The following GRIA1 variants were observed in gnomAD, a reference collection of about 807,000 sequenced individuals.
GRIA1 encodes glutamate ionotropic receptor AMPA type subunit 1, also known as glutamate receptor 1.
Under a neutral mutation model 99.2 loss-of-function variants are expected in GRIA1, and 31 were observed. That is an observed-to-expected ratio of 0.31 (90% CI 0.23 to 0.42). The LOEUF is 0.42. Among genes scored for constraint, GRIA1 ranks in the 10% least tolerant of loss-of-function variants. GRIA1 has a pLI of 1.00. For missense variants in GRIA1, 782 were observed against 1,157.5 expected, an observed-to-expected ratio of 0.68 and a Z score of 4.71; for synonymous variants, 438 against 432.4, an observed-to-expected ratio of 1.01 and a Z score of -0.16.
chr5:153,549,378 C>T (rs10515690), intron 2 of GRIA1, among the ~76,000 whole-genome samples: 70,910 of 151,848 alleles, frequency 0.47, 18,281 homozygotes, highest in Non-Finnish European at 0.59. Context: ...CAGGGTCTTC[C>T]GAGGTTAACA....
At chr5:153,573,475 C>T (rs77179150) in intron 2 of GRIA1, among the ~76,000 whole-genome samples, 1 of 152,226 alleles carries the variant, frequency 6.6e-6, no homozygotes, top group East Asian at 1.9e-4. Flanking sequence ...ATGTTGGCTG[C>T]AATCATTATT....
chr5:153,550,589 A>G (rs1760049813), intron 2 of GRIA1, among the ~76,000 whole-genome samples: 1 of 152,182 alleles, frequency 6.6e-6, no homozygotes, highest in African/African-American at 2.4e-5. Context: ...CAAATCAACT[A>G]CTGCTAGAAA....
At chr5:153,706,125 T>TTTG (rs762833364) in intron 11 of GRIA1, 58 bp downstream of exon 11, 1 of 1,497,450 alleles carries the variant, frequency 6.7e-7, no homozygotes, top group South Asian at 1.2e-5. Flanking sequence ...TGTTTGTTTG[T>TTTG]TTGTTTGTTT....
intron 2 of GRIA1, among the ~76,000 whole-genome samples, chr5:153,552,263 G>C (rs981975058): frequency 4.7e-5 from 7 of 149,800 alleles, no homozygotes; most frequent in African/African-American, 1.7e-4. Context: ...AAAAAAAGAA[G>C]AAGGTTTGGC....
chr5:153,536,407 A>C (rs1758578597), intron 2 of GRIA1, among the ~76,000 whole-genome samples: 1 of 152,184 alleles, frequency 6.6e-6, no homozygotes, highest in Non-Finnish European at 1.5e-5. Flanking sequence ...ATTCTGCCGT[A>C]CATTAGCAAG....
chr5:153,654,448 G>T (rs1013109388), intron 4 of GRIA1, among the ~76,000 whole-genome samples: 1 of 151,932 alleles, frequency 6.6e-6, no homozygotes, highest in African/African-American at 2.4e-5. Context: ...AGCTGAATAG[G>T]TTCTTGATAA....
At chr5:153,597,780 G>A (rs1384763935) in intron 2 of GRIA1, among the ~76,000 whole-genome samples, 2 of 151,820 alleles carry the variant, frequency 1.3e-5, no homozygotes, top group African/African-American at 2.4e-5. Context: ...GATAAATGCA[G>A]GAGAATTACT....
At chr5:153,530,682 A>G (rs1190081215) in intron 2 of GRIA1, among the ~76,000 whole-genome samples, 2 of 152,236 alleles carry the variant, frequency 1.3e-5, no homozygotes, top group Non-Finnish European at 2.9e-5. Flanking sequence ...GTTTGCATTC[A>G]GACAGGCATG....
chr5:153,551,256 G>A (rs2220781), intron 2 of GRIA1, among the ~76,000 whole-genome samples: 70,971 of 151,970 alleles, frequency 0.47, 18,312 homozygotes, highest in Non-Finnish European at 0.59. Context: ...ATTTGTCTTC[G>A]TGTGGCTTCT....
chr5:153,717,427 A>G (rs1363807951), intron 11 of GRIA1, among the ~76,000 whole-genome samples: 1 of 152,108 alleles, frequency 6.6e-6, no homozygotes, highest in Non-Finnish European at 1.5e-5. Context: ...GGAGGGAGCC[A>G]ATACCAATGA....
chr5:153,772,853 G>A (rs937676393), intron 13 of GRIA1, among the ~76,000 whole-genome samples: 1 of 152,152 alleles, frequency 6.6e-6, no homozygotes, highest in Non-Finnish European at 1.5e-5. Flanking sequence ...ATTTACTGAA[G>A]GTTTCGTGAG....
chr5:153,499,613 CAAAAA>C (rs70976100), intron 2 of GRIA1, among the ~76,000 whole-genome samples: 16 of 42,128 alleles, frequency 3.8e-4, no homozygotes, highest in African/African-American at 1.5e-3. Context: ...GAATTTGTCT[CAAAAA>C]AAAAAAAAAA....
chr5:153,635,855 A>G (rs940152406), intron 2 of GRIA1, among the ~76,000 whole-genome samples: 1 of 152,170 alleles, frequency 6.6e-6, no homozygotes, highest in East Asian at 1.9e-4. Flanking sequence ...CTGCCATCTC[A>G]TCAGAGTGGC....
intron 2 of GRIA1, among the ~76,000 whole-genome samples, chr5:153,567,177 T>A (rs373510729): frequency 6.6e-6 from 1 of 152,214 alleles, no homozygotes; most frequent in East Asian, 1.9e-4. Context: ...ATGCCTTGAG[T>A]GTCCATTATG....
intron 11 of GRIA1, among the ~76,000 whole-genome samples, chr5:153,762,681 T>C (rs540208687): frequency 6.6e-6 from 1 of 152,246 alleles, no homozygotes; most frequent in African/African-American, 2.4e-5. Context: ...TCTGTCCTCC[T>C]TAGAGTTGCA....
intron 2 of GRIA1, among the ~76,000 whole-genome samples, chr5:153,596,891 G>T (rs985998): frequency 0.36 from 55,430 of 152,138 alleles, 13,087 homozygotes; most frequent in Non-Finnish European, 0.53. Flanking sequence ...TGGTCCCACC[G>T]GCAAGCCGGT....
At chr5:153,643,344 A>G (rs1753909971) in intron 2 of GRIA1, among the ~76,000 whole-genome samples, 1 of 152,198 alleles carries the variant, frequency 6.6e-6, no homozygotes, top group Non-Finnish European at 1.5e-5. Flanking sequence ...AGTACTCTGT[A>G]ATGATAAAAC....
upstream of GRIA1, among the ~76,000 whole-genome samples, chr5:153,490,026 C>T (rs1389049288): frequency 6.6e-6 from 1 of 152,004 alleles, no homozygotes; most frequent in Non-Finnish European, 1.5e-5. Flanking sequence ...CACTCCAGAT[C>T]CTCCCTTGTT....
chr5:153,514,962 C>T (rs1364637601), intron 2 of GRIA1, among the ~76,000 whole-genome samples: 1 of 151,970 alleles, frequency 6.6e-6, no homozygotes, highest in Non-Finnish European at 1.5e-5. Flanking sequence ...AAAGCAAATG[C>T]TGGTAAGGAT....
Sources: gnomAD v4.1 joint callset for allele counts (sites outside exome capture counted in the v4.1 genomes callset) on GRCh38, gnomAD v4.1.1 for gene constraint, MANE v1.5 for transcripts, NCBI Gene and HGNC (gene_info 2026-07-23, HGNC 2026-07-21) for gene names.